Variants in CLN8 observed in about 807,000 individuals in gnomAD.
The protein encoded by CLN8 is protein CLN8.
Under a neutral mutation model 15.7 loss-of-function variants are expected in CLN8, and 14 were observed. The observed-to-expected ratio is 0.89, with a 90% CI of 0.59 to 1.39. CLN8 has a LOEUF of 1.39. Among genes scored for constraint, CLN8 ranks in the 40% most tolerant of loss-of-function variants. The pLI is 0.00. For synonymous variants in CLN8, 188 were observed against 151.0 expected (o/e 1.25, Z -1.80); for missense variants, 415 against 364.0 (o/e 1.14, Z -1.14).
upstream of CLN8, among the ~76,000 whole-genome samples, chr8:1,761,702 G>C (rs1404941430): frequency 6.6e-6 from 1 of 152,210 alleles, no homozygotes; most frequent in Non-Finnish European, 1.5e-5. Context: ...TCAGATCAGA[G>C]ATGAAATCGT....
At chr8:1,753,808 C>A (rs1800606543), upstream of CLN8, among the ~76,000 whole-genome samples, 1 of 151,610 alleles carries the variant, frequency 6.6e-6, no homozygotes, top group African/African-American at 2.4e-5. Context: ...ATTGCTTGAA[C>A]CCGGGAGGCA....
rs1234087983 is a variant in CLN8, at chr8:1,782,745, G to A, written c.*2178G>A. On this transcript the variant is annotated 3_prime_UTR_variant, in exon 3 of 3. Coordinates refer to ENST00000331222, the MANE Select transcript of CLN8 (RefSeq NM_018941.4). ...CAAAATAAACTAACCTATTCATATT[G>A]CTGTGAATGCTTTATCTTGGAGATA... 2 of 152,200 alleles carry A rather than the reference G, an allele frequency of 1.3e-5. No individual in the cohort carries two copies. The highest frequency in any genetic ancestry group is 4.8e-5 in the African/African-American group (2 of 41,452). The allele number at this position is 152,200 out of a possible 1,614,324, so 9.4% of individuals were successfully genotyped here. A position where few individuals can be genotyped will look rare whatever the true frequency, so the allele number is the denominator to read the frequency against.
At chr8:1,773,404 G>A (rs541004901) in intron 2 of CLN8, among the ~76,000 whole-genome samples, 4 of 152,252 alleles carry the variant, frequency 2.6e-5, no homozygotes, top group East Asian at 3.9e-4. Context: ...GGAGGTTGGG[G>A]GCCGGTGTGA....
intron 2 of CLN8, among the ~76,000 whole-genome samples, chr8:1,775,139 A>G (rs1801461640): frequency 6.6e-6 from 1 of 152,224 alleles, no homozygotes; most frequent in South Asian, 2.1e-4. Flanking sequence ...TTAAAATAAT[A>G]TAACAATAAA....
intron 1 of CLN8, among the ~76,000 whole-genome samples, chr8:1,769,436 G>A (rs1000895462): frequency 6.6e-5 from 10 of 152,200 alleles, no homozygotes; most frequent in Middle Eastern, 6.8e-3. Context: ...GGTCTCTTCC[G>A]GAGAGCAGAG....
At chr8:1,778,100 C>G (rs1801585393) in intron 2 of CLN8, among the ~76,000 whole-genome samples, 1 of 152,144 alleles carries the variant, frequency 6.6e-6, no homozygotes, top group South Asian at 2.1e-4. Context: ...CTTGCCTGTG[C>G]CAAAGTCCAG....
At chr8:1,775,111 A>C (rs180865167) in intron 2 of CLN8, among the ~76,000 whole-genome samples, 1 of 152,244 alleles carries the variant, frequency 6.6e-6, no homozygotes, top group African/African-American at 2.4e-5. Context: ...CTGTGGATCA[A>C]AAATATTTGG....
intron 2 of CLN8, among the ~76,000 whole-genome samples, chr8:1,776,905 T>G (rs1396170399): frequency 6.6e-6 from 1 of 152,078 alleles, no homozygotes; most frequent in African/African-American, 2.4e-5. Flanking sequence ...AGCAGAAGGG[T>G]GGGCAGCAGT....
At position 1,783,932 on chromosome 8, in the gene CLN8, C is replaced by G. The variant is rs1225923712; in HGVS notation, c.*3365C>G. On this transcript the variant is annotated 3_prime_UTR_variant, in exon 3 of 3. Transcript: ENST00000331222. ...CAACACGGCATTTAGCGCAGAAAGT[C>G]GTGGTTCAGGCAGTATGGGCCGCTG... The G allele has an allele frequency of 6.6e-6, 1 of 152,214 alleles. No homozygotes were observed. Among genetic ancestry groups the G allele is most frequent in the African/African-American group, 2.4e-5 (1 of 41,426 alleles). 9.4% of individuals were successfully genotyped at this position (152,214 alleles called of 1,614,324 possible). A position where few individuals can be genotyped will look rare whatever the true frequency, so the allele number is the denominator to read the frequency against.
intron 1 of CLN8, among the ~76,000 whole-genome samples, chr8:1,766,926 C>G (rs571437720): frequency 6.6e-6 from 1 of 152,354 alleles, no homozygotes; most frequent in African/African-American, 2.4e-5. Context: ...CCTGACAGAA[C>G]AAGGCCTAGC....
At chr8:1,765,362 C>G (rs996610651) in intron 1 of CLN8, 4 of 152,174 alleles carry the variant, frequency 2.6e-5, no homozygotes. Context: ...TCTAGAAAAA[C>G]AATTGACCCA....
Position 1,780,367 on chromosome 8 carries a change from G to A in CLN8, c.661G>A (p.Gly221Ser), listed in dbSNP as rs386834136. ...MWWVCFWHWD[G>S]LVSSLYLPHL... is the part of the protein sequence containing the mutation. ...GTGGGTGTGTTTCTGGCACTGGGACGGCCTGGTCAGCAGCCTGTATCTGCC... is the reference window on the plus strand; with the variant it reads ...GTGGGTGTGTTTCTGGCACTGGGACAGCCTGGTCAGCAGCCTGTATCTGCC... Residue 221 changes from glycine (G) to serine (S), a missense_variant, in exon 3 of 3, where the codon GGC becomes AGC. Coordinates refer to ENST00000331222, the MANE Select transcript of CLN8 (RefSeq NM_018941.4). 75 of 1,614,112 alleles carry A rather than the reference G, an allele frequency of 4.6e-5. No homozygotes were observed. Among genetic ancestry groups the A allele is most frequent in the Middle Eastern group, 1.6e-4 (1 of 6,084 alleles).
upstream of CLN8, among the ~76,000 whole-genome samples, chr8:1,753,445 C>T (rs1325170695): frequency 1.3e-5 from 2 of 151,644 alleles, no homozygotes; most frequent in African/African-American, 2.4e-5. Flanking sequence ...GTGGCAGGCA[C>T]CTGTAATCCC....
chr8:1,771,097 G>T lies in CLN8; in HGVS notation c.43G>T (p.Asp15Tyr), dbSNP rs1382433203. The T allele has an allele frequency of 6.2e-7, 1 of 1,613,998 alleles. No individual in the cohort carries two copies. Among genetic ancestry groups the T allele is most frequent in the South Asian group, 1.1e-5 (1 of 91,076 alleles). The change falls in exon 2 of 3, where the codon GAC becomes TAC. Residue 15 changes from aspartate to tyrosine, a missense_variant. Asp to Tyr is a radical substitution (Grantham distance 160). Transcript: ENST00000331222. The stretch of plus-strand genomic sequence containing the variant: ...TGGGGGCACATCAGAGAGCATTTTT[G>T]ACCTGGACTATGCATCCTGGGGGAT... ...SDGGTSESIF[D>Y]LDYASWGIRS...
upstream of CLN8, among the ~76,000 whole-genome samples, chr8:1,753,397 C>A (rs549010817): frequency 6.6e-5 from 10 of 152,024 alleles, no homozygotes; most frequent in East Asian, 3.9e-4. Context: ...ACGGTGAAAA[C>A]CCATCTCTAC....
intron 1 of CLN8, chr8:1,764,650 G>C (rs959699978): frequency 6.5e-6 from 1 of 153,226 alleles, no homozygotes; most frequent in African/African-American, 2.4e-5. Flanking sequence ...CGCTGGGTAA[G>C]GTCACCAAAG....
At chr8:1,753,101 C>G (rs1800591926), upstream of CLN8, among the ~76,000 whole-genome samples, 1 of 152,188 alleles carries the variant, frequency 6.6e-6, no homozygotes, top group Admixed American at 6.5e-5. Flanking sequence ...AGCCTCATCT[C>G]CTCATCAGCA....
chr8:1,762,021 C>T (rs573833006), upstream of CLN8: 34 of 152,246 alleles, frequency 2.2e-4, no homozygotes, highest in African/African-American at 7.9e-4. Context: ...TTCGGGAAAC[C>T]ATAAACTAAG....
upstream of CLN8, among the ~76,000 whole-genome samples, chr8:1,755,364 C>T (rs528028007): frequency 2.0e-5 from 3 of 152,286 alleles, no homozygotes; most frequent in East Asian, 1.9e-4. Flanking sequence ...CGACTCCCCT[C>T]GCTCTTCCCA....
Sources: allele counts gnomAD v4.1 joint callset (sites outside exome capture counted in the v4.1 genomes callset), GRCh38; gene constraint gnomAD v4.1.1; transcripts MANE v1.5; gene names NCBI Gene and HGNC (gene_info 2026-07-23, HGNC 2026-07-21).